Variants in TENM3 observed in about 807,000 individuals in gnomAD.
The protein encoded by TENM3 is teneurin transmembrane protein 3.
Under a neutral mutation model 255.1 loss-of-function variants are expected in TENM3, and 63 were observed. That is an observed-to-expected ratio of 0.25 (90% CI 0.20 to 0.30). The LOEUF (loss-of-function observed/expected upper bound fraction) is 0.30. Ranked by LOEUF, TENM3 falls within the 10% of genes least tolerant of loss-of-function variation. The probability of loss-of-function intolerance (pLI) is 1.00; values close to 1 mark genes in which losing one functional copy is unlikely to be tolerated. For missense variants in TENM3, 2,929 were observed against 3,461.1 expected (o/e 0.85, Z 3.86); for synonymous variants, 1,306 against 1,322.3 (o/e 0.99, Z 0.27).
chr4:181,882,308 G>A, the TENM3 span, among the ~76,000 whole-genome samples: 323 of 152,276 alleles, frequency 2.1e-3, 4 homozygotes, highest in African/African-American at 7.3e-3. Context: ...CATTCATGAC[G>A]TTTGTTCCTC....
At chr4:182,268,031 C>G (rs1281075632) in intron 1 of TENM3, among the ~76,000 whole-genome samples, 1 of 152,170 alleles carries the variant, frequency 6.6e-6, no homozygotes, top group Non-Finnish European at 1.5e-5. Context: ...GATCAGTATT[C>G]TCATTCTGGG....
chr4:182,240,419 C>T (rs1036520635), upstream of TENM3, among the ~76,000 whole-genome samples: 12 of 152,228 alleles, frequency 7.9e-5, no homozygotes, highest in East Asian at 9.7e-4. Context: ...TCTGTCTTAT[C>T]GGGATTAATC....
At position 182,768,378 on chromosome 4, in the gene TENM3, A is replaced by G. The variant is rs186662736; in HGVS notation, c.4893-5094A>G. On this transcript the variant is annotated intron_variant, in intron 22 of 27. Coordinates refer to ENST00000511685, the MANE Select transcript of TENM3 (RefSeq NM_001080477.4). ...TTTGCAACATCAATAGGCTGTTGAC[A>G]TTGGGTTGGTAACAGTCTAAATCAC... Among the ~76,000 whole-genome samples the G allele has an allele frequency of 5.8e-3, 882 of 152,258 alleles. 33 individuals carry two copies. The highest frequency in any genetic ancestry group is 0.052 in the Admixed American group (798 of 15,296).
At chr4:181,951,846 T>A in the TENM3 span, among the ~76,000 whole-genome samples, 2 of 152,210 alleles carry the variant, frequency 1.3e-5, no homozygotes, top group Non-Finnish European at 2.9e-5. Flanking sequence ...ATGATTTTAG[T>A]AGTTCCAGGA....
intron 1 of TENM3, among the ~76,000 whole-genome samples, chr4:182,278,466 A>G (rs1386519879): frequency 6.6e-6 from 1 of 152,220 alleles, no homozygotes; most frequent in South Asian, 2.1e-4. Flanking sequence ...TAAAATGGAA[A>G]TAGTACTAAG....
chr4:181,960,895 A>C, the TENM3 span, among the ~76,000 whole-genome samples: 3 of 151,804 alleles, frequency 2.0e-5, no homozygotes, highest in Non-Finnish European at 2.9e-5. Context: ...CTCCCCAGCA[A>C]CTCTGGTCAT....
intron 1 of TENM3, among the ~76,000 whole-genome samples, chr4:182,305,154 T>A (rs1762063436): frequency 6.6e-6 from 1 of 151,992 alleles, no homozygotes; most frequent in Admixed American, 6.6e-5. Context: ...TACTGAAATC[T>A]GTGAGGTTTT....
chr4:181,578,930 G>A, the TENM3 span, among the ~76,000 whole-genome samples: 1 of 152,146 alleles, frequency 6.6e-6, no homozygotes, highest in Admixed American at 6.5e-5. Context: ...GGTAGGTGGG[G>A]AAGGGGGCAC....
chr4:181,783,520 A>G, the TENM3 span, among the ~76,000 whole-genome samples: 2 of 152,180 alleles, frequency 1.3e-5, no homozygotes, highest in African/African-American at 4.8e-5. Context: ...CTATTAGCAC[A>G]TAGCTCCTCT....
At chr4:181,961,421 T>TTTG in the TENM3 span, among the ~76,000 whole-genome samples, 18 of 152,190 alleles carry the variant, frequency 1.2e-4, no homozygotes, top group African/African-American at 3.9e-4. Context: ...TTTGTGGTTT[T>TTTG]TTGTTGTTGT....
chr4:182,302,217 G>A (rs779233069), intron 1 of TENM3, among the ~76,000 whole-genome samples: 2 of 151,960 alleles, frequency 1.3e-5, no homozygotes, highest in African/African-American at 2.4e-5. Context: ...TCATTTTCAC[G>A]CCCCACCCCA....
At chr4:181,935,190 T>G in the TENM3 span, among the ~76,000 whole-genome samples, 185 of 152,362 alleles carry the variant, frequency 1.2e-3, no homozygotes, top group African/African-American at 3.9e-3. Context: ...CACCTGTATC[T>G]CTATGGAACT....
At chr4:181,845,365 A>G in the TENM3 span, among the ~76,000 whole-genome samples, 1 of 152,218 alleles carries the variant, frequency 6.6e-6, no homozygotes, top group Non-Finnish European at 1.5e-5. Context: ...AAATCTGTAG[A>G]TCACAGACTT....
At chr4:182,009,876 T>C in the TENM3 span, among the ~76,000 whole-genome samples, 184 of 152,318 alleles carry the variant, frequency 1.2e-3, no homozygotes, top group African/African-American at 4.2e-3. Flanking sequence ...GATTACACAG[T>C]TCCGTGGAAA....
the TENM3 span, among the ~76,000 whole-genome samples, chr4:182,011,815 T>A: frequency 6.6e-6 from 1 of 152,052 alleles, no homozygotes; most frequent in African/African-American, 2.4e-5. Context: ...CTGCAAACAA[T>A]AGATTAAGGC....
chr4:181,810,683 T>C, the TENM3 span, among the ~76,000 whole-genome samples: 1 of 151,902 alleles, frequency 6.6e-6, no homozygotes, highest in African/African-American at 2.4e-5. Flanking sequence ...AGAAAAGAAG[T>C]GATGTAAACA....
chr4:182,503,270 C>G (rs1394370586), intron 3 of TENM3, among the ~76,000 whole-genome samples: 2 of 152,130 alleles, frequency 1.3e-5, no homozygotes, highest in Non-Finnish European at 2.9e-5. Flanking sequence ...GACTTTCAAC[C>G]TGTCCCAAAC....
chr4:182,277,728 C>CT (rs1760102240), intron 1 of TENM3, among the ~76,000 whole-genome samples: 1 of 152,206 alleles, frequency 6.6e-6, no homozygotes, highest in African/African-American at 2.4e-5. Context: ...GAAGGCAAAA[C>CT]TGCTCTTGTT....
chr4:182,357,579 G>T, intron 3 of TENM3, among the ~76,000 whole-genome samples: 1 of 144,444 alleles, frequency 6.9e-6, no homozygotes, highest in Non-Finnish European at 1.5e-5. Context: ...TTTTTTTCTT[G>T]TGAATTTGTT....
Sources: gnomAD v4.1 joint callset for allele counts (sites outside exome capture counted in the v4.1 genomes callset) on GRCh38, gnomAD v4.1.1 for gene constraint, MANE v1.5 for transcripts, NCBI Gene and HGNC (gene_info 2026-07-23, HGNC 2026-07-21) for gene names.